The following SGIP1 variants were observed in gnomAD, a reference collection of about 807,000 sequenced individuals.
SGIP1 encodes SH3GL interacting endocytic adaptor 1.
A neutral mutation model predicts 107.5 loss-of-function variants in SGIP1; 38 were observed. The observed-to-expected ratio is 0.35, with a 90% CI of 0.27 to 0.46. The LOEUF (loss-of-function observed/expected upper bound fraction) is 0.46, where lower values mean the gene tolerates loss of function less well. Among genes scored for constraint, SGIP1 ranks in the 20% least tolerant of loss-of-function variants. The pLI is 1.00. For synonymous variants in SGIP1, 365 were observed against 366.1 expected (o/e 1.00, Z 0.03); for missense variants, 929 against 1,019.5 (o/e 0.91, Z 1.21).
chr1:66,729,463 T>C lies in SGIP1; in HGVS notation c.1898+44T>C, dbSNP rs773358590. The C allele has an allele frequency of 5.6e-6, 9 of 1,610,602 alleles. No homozygotes were observed. In the South Asian group the frequency reaches 6.6e-5, roughly 12 times the overall value. On this transcript the variant is annotated intron_variant, in intron 20 of 24. Coordinates refer to ENST00000371037, the MANE Select transcript of SGIP1 (RefSeq NM_032291.4). ...AAATTTTTCAGAGATACATGTGGCT[T>C]AGTACTTTGTACTTAGATGAGGGAT...
rs148134739 is a variant in SGIP1 at position 66,583,760 on chromosome 1, C to T, written c.11-42087C>T. 1.1e-4 allele frequency among the ~76,000 whole-genome samples: 16 copies of T among 152,240 alleles called. No individual in the cohort carries two copies. The East Asian group carries it at 2.9e-3, about 28-fold the overall frequency. ...ATTGCATTTGTTCACATAGCTTGCTCCTGTCTGCATCACTGATTATCAGCC... is the reference window on the plus strand; with the variant it reads ...ATTGCATTTGTTCACATAGCTTGCTTCTGTCTGCATCACTGATTATCAGCC... On this transcript the variant is annotated intron_variant, in intron 1 of 24. Coordinates refer to ENST00000371037, the MANE Select transcript of SGIP1 (RefSeq NM_032291.4).
At chr1:66,720,503 G>A (rs894458161) in intron 19 of SGIP1, among the ~76,000 whole-genome samples, 2 of 152,196 alleles carry the variant, frequency 1.3e-5, no homozygotes, top group Admixed American at 1.3e-4. Flanking sequence ...CAAGACAGGA[G>A]GATTGCTGAG....
chr1:66,708,134 C>T (rs2092655217), intron 18 of SGIP1, among the ~76,000 whole-genome samples: 1 of 152,048 alleles, frequency 6.6e-6, no homozygotes, highest in Admixed American at 6.6e-5. Flanking sequence ...GGTTTTCAGT[C>T]CCAGCTCCCC....
intron 7 of SGIP1, among the ~76,000 whole-genome samples, chr1:66,648,177 G>A (rs2078001034): frequency 6.6e-6 from 1 of 152,178 alleles, no homozygotes; most frequent in South Asian, 2.1e-4. Context: ...GCCACACTAG[G>A]AAGGGGCATG....
intron 15 of SGIP1, among the ~76,000 whole-genome samples, chr1:66,687,839 G>T (rs2088813256): frequency 6.6e-6 from 1 of 152,138 alleles, no homozygotes; most frequent in South Asian, 2.1e-4. Flanking sequence ...GAGGGAGCAG[G>T]GGTAATAATT....
chr1:66,643,943 C>A (rs1300331942), intron 7 of SGIP1: 2 of 314,550 alleles, frequency 6.4e-6, no homozygotes, highest in Non-Finnish European at 1.1e-5. Flanking sequence ...TATATGGAAC[C>A]ACATTTTCTT....
intron 7 of SGIP1, among the ~76,000 whole-genome samples, chr1:66,645,039 A>G (rs775199095): frequency 6.6e-6 from 1 of 152,166 alleles, no homozygotes; most frequent in Non-Finnish European, 1.5e-5. Flanking sequence ...TCACTTACTG[A>G]ATAATATTTT....
chr1:66,604,059 C>T (rs756767774), intron 1 of SGIP1, among the ~76,000 whole-genome samples: 1 of 151,942 alleles, frequency 6.6e-6, no homozygotes, highest in Non-Finnish European at 1.5e-5. Flanking sequence ...TTTATGAATC[C>T]CCGTTATATG....
At chr1:66,599,358 T>A (rs1283664480) in intron 1 of SGIP1, among the ~76,000 whole-genome samples, 1 of 152,152 alleles carries the variant, frequency 6.6e-6, no homozygotes, top group Non-Finnish European at 1.5e-5. Context: ...CTTGAAGAAA[T>A]TGAGATTTAC....
intron 7 of SGIP1, among the ~76,000 whole-genome samples, chr1:66,652,770 T>C (rs1017014568): frequency 1.3e-5 from 2 of 152,108 alleles, no homozygotes; most frequent in Non-Finnish European, 2.9e-5. Flanking sequence ...GAGTCATCAG[T>C]GGAGGAGGTG....
At chr1:66,695,558 C>A in intron 18 of SGIP1, 65 bp downstream of exon 18, 1 of 1,513,512 alleles carries the variant, frequency 6.6e-7, no homozygotes, top group Non-Finnish European at 9.1e-7. Context: ...TCCCCATTTG[C>A]ATTTCCAAAT....
At chr1:66,668,222 G>C (rs1367875948) in intron 9 of SGIP1, among the ~76,000 whole-genome samples, 1 of 151,690 alleles carries the variant, frequency 6.6e-6, no homozygotes, top group African/African-American at 2.4e-5. Context: ...GACGGATCTC[G>C]CTCTGTTGCC....
intron 10 of SGIP1, among the ~76,000 whole-genome samples, chr1:66,671,319 G>A (rs762921491): frequency 1.3e-5 from 2 of 152,164 alleles, no homozygotes; most frequent in Non-Finnish European, 1.5e-5. Context: ...AATCAAGTGT[G>A]TATTTGTTGC....
At position 66,719,364 on chromosome 1, in the gene SGIP1, A is replaced by T. The variant is rs371391596; in HGVS notation, c.1701A>T (p.Thr567=). ...CTCTCCCTGTTGCAGCAGCATTTACAGAAACAGTCAATGCCTATTTCAAAG... is the reference window on the plus strand; with the variant it reads ...CTCTCCCTGTTGCAGCAGCATTTACTGAAACAGTCAATGCCTATTTCAAAG... The part of the protein sequence containing the change: ...QDTLPVAAAF[T]ETVNAYFKGA... The change falls in exon 19 of 25, where the codon ACA becomes ACT. Residue 567 remains threonine, a synonymous_variant. Transcript: ENST00000371037. The T allele has an allele frequency of 6.2e-7, 1 of 1,613,502 alleles. No individual in the cohort carries two copies. Among genetic ancestry groups the T allele is most frequent in the African/African-American group, 1.3e-5 (1 of 74,888 alleles).
At chr1:66,653,249 T>C (rs2079094607) in intron 7 of SGIP1, among the ~76,000 whole-genome samples, 1 of 152,320 alleles carries the variant, frequency 6.6e-6, no homozygotes, top group Non-Finnish European at 1.5e-5. Context: ...AACCATGGAC[T>C]GTGTGCAGAA....
intron 1 of SGIP1, among the ~76,000 whole-genome samples, chr1:66,600,061 AT>A (rs749267444): frequency 4.7e-4 from 72 of 152,308 alleles, no homozygotes; most frequent in Middle Eastern, 3.4e-3. Flanking sequence ...TGTAATGGGT[AT>A]TTAAAACACA....
rs1553131726 is a variant in SGIP1, at chr1:66,660,043, G to GGAAGGAAAGAAAAAGAAAGA, written c.460-470_460-469insGAAGGAAAGAAAAAGAAAGA. On this transcript the variant is annotated intron_variant, in intron 7 of 24. Transcript: ENST00000371037. ...GGAAGGAAGGAAGGAAGGAAGGAAA[G>GGAAGGAAAGAAAAAGAAAGA]AAAGAAAGAAAAGAAAGAAAGGAAG... 11 of 108,120 alleles carry GGAAGGAAAGAAAAAGAAAGA rather than the reference G, an allele frequency of 1.0e-4. 1 individual carries two copies. The highest frequency in any genetic ancestry group is 4.0e-4 in the African/African-American group (8 of 19,764). The allele number at this position is 108,120 out of a possible 1,614,324, so 6.7% of individuals were successfully genotyped here. A position where few individuals can be genotyped will look rare whatever the true frequency, so the allele number is the denominator to read the frequency against.
At chr1:66,595,842 G>T (rs1247660297) in intron 1 of SGIP1, among the ~76,000 whole-genome samples, 1 of 152,216 alleles carries the variant, frequency 6.6e-6, no homozygotes, top group Non-Finnish European at 1.5e-5. Flanking sequence ...TACTGTATGA[G>T]TCCATTTGTT....
intron 19 of SGIP1, among the ~76,000 whole-genome samples, chr1:66,722,133 C>T (rs181242707): frequency 5.9e-5 from 9 of 152,166 alleles, no homozygotes; most frequent in East Asian, 1.9e-4. Flanking sequence ...GGCCTCATGG[C>T]GTCTCTCTTC....
Sources: allele counts gnomAD v4.1 joint callset (sites outside exome capture counted in the v4.1 genomes callset), GRCh38; gene constraint gnomAD v4.1.1; transcripts MANE v1.5; gene names NCBI Gene and HGNC (gene_info 2026-07-23, HGNC 2026-07-21).